MIGA1: variants seen among roughly 807,000 people sequenced by gnomAD.
The protein encoded by MIGA1 is mitoguardin 1.
MIGA1 carries 58 observed loss-of-function variants against 82.0 expected under a neutral mutation model. That is an observed-to-expected ratio of 0.71 (90% CI 0.57 to 0.88). MIGA1 has a LOEUF of 0.88. Ranked by LOEUF, MIGA1 falls within the 40% of genes least tolerant of loss-of-function variation. MIGA1 has a pLI of 0.00. For missense variants in MIGA1, 751 were observed against 749.1 expected (o/e 1.00, Z -0.03); for synonymous variants, 249 against 253.6 (o/e 0.98, Z 0.17).
At chr1:77,781,248 A>G (rs895867569) in intron 1 of MIGA1, among the ~76,000 whole-genome samples, 2 of 152,170 alleles carry the variant, frequency 1.3e-5, no homozygotes, top group African/African-American at 2.4e-5. Context: ...TCTGCAGCCA[A>G]TTAAAGTGTT....
chr1:77,781,636 C>T (rs956111118), intron 1 of MIGA1, among the ~76,000 whole-genome samples: 1 of 152,092 alleles, frequency 6.6e-6, no homozygotes, highest in Non-Finnish European at 1.5e-5. Context: ...TCATGGTTTC[C>T]TCTGTACTTT....
intron 2 of MIGA1, among the ~76,000 whole-genome samples, chr1:77,783,564 T>C (rs1366891303): frequency 6.6e-6 from 1 of 152,184 alleles, no homozygotes; most frequent in Non-Finnish European, 1.5e-5. Flanking sequence ...ACTTAAAAAT[T>C]TTTTTCTGTC....
chr1:77,818,944 G>A (rs756889314), intron 7 of MIGA1, among the ~76,000 whole-genome samples: 1 of 151,900 alleles, frequency 6.6e-6, no homozygotes, highest in African/African-American at 2.4e-5. Flanking sequence ...GCTGGGCATG[G>A]TGGTGGGTGC....
At position 77,863,999 on chromosome 1, in the gene MIGA1, C is replaced by T. The variant is rs772336696; in HGVS notation, c.1480C>T (p.Arg494Ter). The T allele has an allele frequency of 2.5e-6, 4 of 1,606,428 alleles. No homozygotes were observed. Among genetic ancestry groups the T allele is most frequent in the Non-Finnish European group, 2.5e-6 (3 of 1,178,306 alleles). Reference sequence around the variant, plus strand: ...ATCCATACAGAATGTAGTAAATAATCGATGGCTAAACTCATCCTTCAAAGA... The same window carrying T: ...ATCCATACAGAATGTAGTAAATAATTGATGGCTAAACTCATCCTTCAAAGA... Residue 494 changes from arginine to a stop codon, truncating the protein, a stop_gained, in exon 13 of 16, where the codon CGA (arginine) becomes TGA (stop). Coordinates refer to ENST00000370791, the MANE Select transcript of MIGA1 (RefSeq NM_198549.4). LOFTEE classifies it high-confidence loss of function.
In MIGA1 at chr1:77,875,061, A is replaced by G. The variant is rs1424468642; in HGVS notation, c.1896A>G (p.Gln632=). Residue 632 remains glutamine, a synonymous_variant, in exon 16 of 16, where the codon CAA becomes CAG. Transcript: ENST00000370791. ...CTGGGCTACTGGAAGCCAAAGTACA[A>G]TAAGTACCATAAGAATCATACAATT... 2 of 1,602,902 alleles carry G rather than the reference A, an allele frequency of 1.2e-6. No homozygotes were observed. Among genetic ancestry groups the G allele is most frequent in the Admixed American group, 1.7e-5 (1 of 59,886 alleles).
intron 8 of MIGA1, among the ~76,000 whole-genome samples, chr1:77,857,578 G>C (rs140407035): frequency 5.1e-4 from 78 of 152,022 alleles, no homozygotes; most frequent in African/African-American, 1.7e-3. Context: ...TACTCGGGAG[G>C]CTGAGGCAGG....
intron 8 of MIGA1, among the ~76,000 whole-genome samples, chr1:77,856,341 G>A (rs1685253934): frequency 6.6e-6 from 1 of 152,074 alleles, no homozygotes; most frequent in African/African-American, 2.4e-5. Context: ...CAAGGATATC[G>A]GTCTGTAGTT....
intron 4 of MIGA1, 30 bp downstream of exon 4, chr1:77,803,436 A>T: frequency 8.1e-7 from 1 of 1,237,040 alleles, no homozygotes; most frequent in Non-Finnish European, 1.1e-6. Context: ...TAATTTTTAA[A>T]ATTTTTGTTT....
At chr1:77,801,178 A>G (rs1470834867) in intron 2 of MIGA1, among the ~76,000 whole-genome samples, 153 bp from the exon 3 acceptor site, 2 of 152,200 alleles carry the variant, frequency 1.3e-5, no homozygotes, top group Non-Finnish European at 2.9e-5. Flanking sequence ...TAAAAAATCA[A>G]ATTGGGCTAG....
intron 1 of MIGA1, among the ~76,000 whole-genome samples, chr1:77,782,443 T>C (rs1681963400): frequency 6.6e-6 from 1 of 152,206 alleles, no homozygotes; most frequent in Non-Finnish European, 1.5e-5. Flanking sequence ...CTAGATCGTT[T>C]ATTTCTTTAT....
chr1:77,823,629 G>A (rs1683915077), intron 7 of MIGA1, among the ~76,000 whole-genome samples: 1 of 152,106 alleles, frequency 6.6e-6, no homozygotes, highest in South Asian at 2.1e-4. Flanking sequence ...CATTGCCACA[G>A]TCATAGGTCA....
At chr1:77,869,896 G>A (rs1176053219) in intron 14 of MIGA1, among the ~76,000 whole-genome samples, 1 of 127,756 alleles carries the variant, frequency 7.8e-6, no homozygotes, top group African/African-American at 3.1e-5. Context: ...CGGACGGGGC[G>A]GCTGGCCGGG....
chr1:77,872,475 C>T (rs937889086), intron 14 of MIGA1, among the ~76,000 whole-genome samples: 4 of 152,012 alleles, frequency 2.6e-5, no homozygotes, highest in Admixed American at 1.3e-4. Flanking sequence ...GTGGCGTGCA[C>T]GTGTGGTTCC....
rs1685564250 is a variant in MIGA1 at position 77,863,933 on chromosome 1, A to G, written c.1414A>G (p.Ile472Val). 6.3e-7 allele frequency: 1 copy of G among 1,587,958 alleles called. No homozygotes were observed. Reference sequence around the variant, plus strand: ...TTTTTATGATGTTGTTCTGGATTTTATATTAATGGACTCCTTTGAAGATTT... The same window carrying G: ...TTTTTATGATGTTGTTCTGGATTTTGTATTAATGGACTCCTTTGAAGATTT... Residue 472 changes from isoleucine (I) to valine (V), a missense_variant, in exon 13 of 16, where the codon ATA (isoleucine) becomes GTA (valine). Coordinates refer to ENST00000370791, the MANE Select transcript of MIGA1 (RefSeq NM_198549.4).
chr1:77,856,013 T>C (rs1389888944), intron 8 of MIGA1, among the ~76,000 whole-genome samples: 2 of 152,108 alleles, frequency 1.3e-5, no homozygotes, highest in Non-Finnish European at 2.9e-5. Context: ...CATTCAGTAT[T>C]ATGTTGGCTG....
At position 77,811,646 on chromosome 1, in the gene MIGA1, C is replaced by A. The variant is rs554287115; in HGVS notation, c.638-2088C>A. On this transcript the variant is annotated intron_variant, in intron 5 of 15. Coordinates refer to ENST00000370791, the MANE Select transcript of MIGA1 (RefSeq NM_198549.4). Reference sequence around the variant, plus strand: ...TCAGAATTATTGTGTTGAGCTTGGGCCTCCTTTTGTAGATGTCTTGCTAAT... The same window carrying A: ...TCAGAATTATTGTGTTGAGCTTGGGACTCCTTTTGTAGATGTCTTGCTAAT... The A allele has an allele frequency of 4.3e-3, 6,899 of 1,612,106 alleles. 19 individuals are homozygous for A. Among genetic ancestry groups the A allele is most frequent in the Non-Finnish European group, 5.5e-3 (6,527 of 1,179,936 alleles).
intron 4 of MIGA1, among the ~76,000 whole-genome samples, chr1:77,805,249 C>T (rs916329023): frequency 3.3e-5 from 5 of 152,066 alleles, no homozygotes; most frequent in Non-Finnish European, 7.4e-5. Flanking sequence ...CCTGCCTCAG[C>T]CTCCCAAAGA....
intron 2 of MIGA1, among the ~76,000 whole-genome samples, chr1:77,785,867 G>T (rs1331478670): frequency 6.6e-6 from 1 of 152,174 alleles, no homozygotes; most frequent in Admixed American, 6.6e-5. Context: ...TCATTCTGGG[G>T]TCTGGAGGAC....
chr1:77,845,394 CA>C (rs1438511417), intron 8 of MIGA1, among the ~76,000 whole-genome samples: 1 of 152,038 alleles, frequency 6.6e-6, no homozygotes, highest in Non-Finnish European at 1.5e-5. Context: ...TTGTGAGGAA[CA>C]ATATACCTAA....
Sources: allele counts gnomAD v4.1 joint callset (sites outside exome capture counted in the v4.1 genomes callset), GRCh38; gene constraint gnomAD v4.1.1; transcripts MANE v1.5; gene names NCBI Gene and HGNC (gene_info 2026-07-23, HGNC 2026-07-21).